The following PLCXD3 variants were observed in gnomAD, a reference collection of about 807,000 sequenced individuals.
PLCXD3 encodes PI-PLC X domain-containing protein 3.
In PLCXD3, 19 loss-of-function variants were observed where a neutral mutation model predicts 25.5. The ratio of observed to expected loss-of-function variants is 0.75; its 90% CI spans 0.52 to 1.09. PLCXD3 has a LOEUF of 1.09. PLCXD3 is among the 50% of genes least tolerant of loss of function. PLCXD3 has a pLI of 0.00. For missense variants in PLCXD3, 411 were observed against 388.1 expected, an observed-to-expected ratio of 1.06 and a Z score of -0.50; for synonymous variants, 174 against 137.6, an observed-to-expected ratio of 1.26 and a Z score of -1.85.
chr5:41,378,492 C>A (rs985702713), intron 2 of PLCXD3, among the ~76,000 whole-genome samples: 1 of 152,004 alleles, frequency 6.6e-6, no homozygotes, highest in Non-Finnish European at 1.5e-5. Flanking sequence ...TTTAAAATTT[C>A]TTTTTCTTCT....
intron 1 of PLCXD3, among the ~76,000 whole-genome samples, chr5:41,507,537 G>T (rs979539916): frequency 1.3e-5 from 2 of 152,242 alleles, no homozygotes; most frequent in African/African-American, 2.4e-5. Context: ...AAACTGCAGA[G>T]ATTTGAGAAA....
chr5:41,339,497 G>A (rs1744078192), intron 2 of PLCXD3, among the ~76,000 whole-genome samples: 1 of 151,902 alleles, frequency 6.6e-6, no homozygotes, highest in African/African-American at 2.4e-5. Flanking sequence ...TGAATAGTTG[G>A]TCATGTAAAT....
At chr5:41,446,537 CTTTT>C (rs11306494) in intron 1 of PLCXD3, among the ~76,000 whole-genome samples, 5 of 145,620 alleles carry the variant, frequency 3.4e-5, no homozygotes, top group African/African-American at 1.3e-4. Flanking sequence ...GTGCTAGTTT[CTTTT>C]TTTTTTTTTC....
chr5:41,389,508 C>T (rs1423706298), intron 1 of PLCXD3, among the ~76,000 whole-genome samples: 34 of 152,214 alleles, frequency 2.2e-4, no homozygotes. Context: ...TCAAATATCC[C>T]AACATGAGAA....
intron 1 of PLCXD3, among the ~76,000 whole-genome samples, chr5:41,394,732 T>C (rs1745944692): frequency 1.3e-5 from 2 of 152,184 alleles, no homozygotes; most frequent in Non-Finnish European, 2.9e-5. Flanking sequence ...GGTCACTATA[T>C]AATGATAAAA....
intron 1 of PLCXD3, among the ~76,000 whole-genome samples, chr5:41,419,023 G>A (rs1299303233): frequency 1.3e-5 from 2 of 152,136 alleles, no homozygotes; most frequent in Admixed American, 1.3e-4. Flanking sequence ...CACAGCCCTC[G>A]ATTGTAGACA....
At chr5:41,478,567 GTACTT>G (rs758701946) in intron 1 of PLCXD3, among the ~76,000 whole-genome samples, 12 of 152,262 alleles carry the variant, frequency 7.9e-5, no homozygotes, top group Non-Finnish European at 1.3e-4. Context: ...TAAAGCTGAT[GTACTT>G]TACTTAAACG....
At position 41,311,396 on chromosome 5, in the gene PLCXD3, A is replaced by T. The variant is rs1308767527; in HGVS notation, c.*2221T>A. 1 of 152,158 alleles carries T rather than the reference A, an allele frequency of 6.6e-6. No homozygotes were observed. The highest frequency in any genetic ancestry group is 2.4e-5 in the African/African-American group (1 of 41,456). 9.4% of individuals were successfully genotyped at this position (152,158 alleles called of 1,614,324 possible). On this transcript the variant is annotated 3_prime_UTR_variant, in exon 3 of 3. Coordinates refer to ENST00000377801, the MANE Select transcript of PLCXD3 (RefSeq NM_001005473.3). The stretch of plus-strand genomic sequence containing the variant: ...AGAATTCTTTTACAAAAATACTTTG[A>T]TGTGATCATCTACTCTACTTTCAAA...
intron 2 of PLCXD3, among the ~76,000 whole-genome samples, chr5:41,378,824 A>G (rs1006198367): frequency 2.6e-5 from 4 of 152,078 alleles, no homozygotes; most frequent in African/African-American, 9.7e-5. Flanking sequence ...CTTTAGTAGT[A>G]GGGTACTAGA....
At chr5:41,326,481 A>G (rs1743631001) in intron 2 of PLCXD3, among the ~76,000 whole-genome samples, 1 of 151,286 alleles carries the variant, frequency 6.6e-6, no homozygotes, top group Non-Finnish European at 1.5e-5. Flanking sequence ...ATCAGCTACC[A>G]TCTCCTCCTC....
intron 1 of PLCXD3, among the ~76,000 whole-genome samples, chr5:41,458,415 G>A (rs1289691556): frequency 6.6e-6 from 1 of 151,968 alleles, no homozygotes; most frequent in Non-Finnish European, 1.5e-5. Context: ...GGAGAAATGT[G>A]ACCAGGCTGA....
At chr5:41,482,414 AAG>A (rs1273203963) in intron 1 of PLCXD3, among the ~76,000 whole-genome samples, 10 of 152,334 alleles carry the variant, frequency 6.6e-5, no homozygotes, top group African/African-American at 2.2e-4. Context: ...CAAATCTAGG[AAG>A]AGAGTTTCAA....
At chr5:41,390,120 T>C (rs1263399052) in intron 1 of PLCXD3, among the ~76,000 whole-genome samples, 1 of 152,222 alleles carries the variant, frequency 6.6e-6, no homozygotes, top group Non-Finnish European at 1.5e-5. Flanking sequence ...CTTTCTTCAG[T>C]CTGGCTTCTT....
intron 2 of PLCXD3, among the ~76,000 whole-genome samples, chr5:41,374,622 G>A (rs1175589024): frequency 6.6e-6 from 1 of 152,122 alleles, no homozygotes; most frequent in African/African-American, 2.4e-5. Flanking sequence ...CAGAGAGAGA[G>A]AGACAGATCG....
intron 1 of PLCXD3, among the ~76,000 whole-genome samples, chr5:41,390,488 C>T (rs1561256488): frequency 6.6e-6 from 1 of 152,052 alleles, no homozygotes; most frequent in African/African-American, 2.4e-5. Flanking sequence ...ATCAGAGTTC[C>T]AGTTACTCCA....
intron 2 of PLCXD3, among the ~76,000 whole-genome samples, chr5:41,328,262 C>T (rs1327923678): frequency 5.3e-5 from 8 of 152,108 alleles, no homozygotes; most frequent in Non-Finnish European, 1.2e-4. Context: ...AGTGGTGTCA[C>T]ATTCAATAAT....
chr5:41,466,647 T>C (rs554102176), intron 1 of PLCXD3, among the ~76,000 whole-genome samples: 3 of 152,200 alleles, frequency 2.0e-5, no homozygotes, highest in South Asian at 2.1e-4. Flanking sequence ...CTATTTTTCT[T>C]GTCTATCTAA....
intron 1 of PLCXD3, among the ~76,000 whole-genome samples, chr5:41,392,906 A>G (rs1745879021): frequency 6.6e-6 from 1 of 152,206 alleles, no homozygotes; most frequent in South Asian, 2.1e-4. Flanking sequence ...CTGAAGCTGA[A>G]AAATGCAACT....
chr5:41,355,122 G>A (rs1372142060), intron 2 of PLCXD3, among the ~76,000 whole-genome samples: 1 of 152,108 alleles, frequency 6.6e-6, no homozygotes, highest in Non-Finnish European at 1.5e-5. Flanking sequence ...AAACCTCACT[G>A]TGCCACCATC....
Sources: gnomAD v4.1 joint callset for allele counts (sites outside exome capture counted in the v4.1 genomes callset) on GRCh38, gnomAD v4.1.1 for gene constraint, MANE v1.5 for transcripts, NCBI Gene and HGNC (gene_info 2026-07-23, HGNC 2026-07-21) for gene names.